Variants in PCDHA11 observed in about 807,000 individuals in gnomAD.
The protein encoded by PCDHA11 is protocadherin alpha-11.
Under a neutral mutation model 70.3 loss-of-function variants are expected in PCDHA11, and 61 were observed. That is an observed-to-expected ratio of 0.87 (90% CI 0.71 to 1.07). PCDHA11 has a LOEUF of 1.07. PCDHA11 is among the 50% of genes least tolerant of loss of function. The pLI is 0.00. For synonymous variants in PCDHA11, 633 were observed against 555.1 expected (o/e 1.14, Z -1.97); for missense variants, 1,324 against 1,237.5 (o/e 1.07, Z -1.05).
In PCDHA11 at chr5:141,010,151, C is replaced by T. The variant is rs1554262715; in HGVS notation, c.*214C>T. 1 of 1,578,076 alleles carries T rather than the reference C, an allele frequency of 6.3e-7. No homozygotes were observed. Among genetic ancestry groups the T allele is most frequent in the South Asian group, 1.1e-5 (1 of 87,432 alleles). On this transcript the variant is annotated 3_prime_UTR_variant, in exon 4 of 4. Transcript: ENST00000398640. The stretch of plus-strand genomic sequence containing the variant: ...CTGGTGTTAACTCTTTCTCTCCACT[C>T]TGGCTTGTTTTCAGAACCTAAAAAG...
chr5:140,948,528 T>C (rs1234543318), intron 1 of PCDHA11, among the ~76,000 whole-genome samples: 1 of 151,686 alleles, frequency 6.6e-6, no homozygotes, highest in Non-Finnish European at 1.5e-5. Context: ...ACTATTTATA[T>C]TTTATTTCAT....
At chr5:140,886,330 T>C (rs1403720039) in intron 1 of PCDHA11, among the ~76,000 whole-genome samples, 1 of 152,192 alleles carries the variant, frequency 6.6e-6, no homozygotes, top group Admixed American at 6.5e-5. Context: ...CTGGGATACA[T>C]GTGCAGAACG....
Position 140,870,656 on chromosome 5 carries a change from C to T in PCDHA11, c.1553C>T (p.Ala518Val), listed in dbSNP as rs782506518. 1.4e-5 allele frequency: 22 copies of T among 1,612,360 alleles called. No homozygotes were observed. The highest frequency in any genetic ancestry group is 1.7e-6 in the Non-Finnish European group (2 of 1,179,764). The change falls in exon 1 of 4, where the codon GCG becomes GTG. Residue 518 changes from alanine to valine, a missense_variant. Ala to Val is a moderately conservative substitution (Grantham distance 64). Transcript: ENST00000398640. Reference protein sequence around the residue: ...SVHAESGKVYALQPLDHEELE... With the variant: ...SVHAESGKVYVLQPLDHEELE... ...CACGCGGAGAGCGGCAAGGTGTACG[C>T]GCTGCAGCCGTTGGACCACGAGGAG...
chr5:140,986,345 C>T (rs1442253492), intron 3 of PCDHA11, among the ~76,000 whole-genome samples: 2 of 152,172 alleles, frequency 1.3e-5, no homozygotes, highest in African/African-American at 4.8e-5. Flanking sequence ...GTTGCAGCCT[C>T]TTCTTCAGAT....
chr5:141,009,514 A>T (rs2098410382), intron 3 of PCDHA11, 113 bp from the exon 4 acceptor site: 5 of 1,501,204 alleles, frequency 3.3e-6, no homozygotes, highest in African/African-American at 1.4e-5. Context: ...ACAACTCGTG[A>T]TTTTTCTGGG....
intron 1 of PCDHA11, chr5:140,928,827 A>G (rs1554206364): frequency 6.2e-7 from 1 of 1,614,130 alleles, no homozygotes. Flanking sequence ...GAGACCCACC[A>G]CTTTCCTCCT....
At chr5:140,880,688 A>T (rs1033069078) in intron 1 of PCDHA11, among the ~76,000 whole-genome samples, 2 of 152,224 alleles carry the variant, frequency 1.3e-5, no homozygotes, top group East Asian at 3.8e-4. Flanking sequence ...GAGAATAGTC[A>T]TGGTTAAGTG....
At position 140,909,620 on chromosome 5, in the gene PCDHA11, A is replaced by G. The variant is rs576090849; in HGVS notation, c.2391+38126A>G. On this transcript the variant is annotated intron_variant, in intron 1 of 3. Transcript: ENST00000398640. Reference sequence around the variant, plus strand: ...ATTTTTCTAGGTAGAGGCAGCTCTAATTGGTCTTCCTATTTTGTCTTTTCC... The same window carrying G: ...ATTTTTCTAGGTAGAGGCAGCTCTAGTTGGTCTTCCTATTTTGTCTTTTCC... Among the ~76,000 whole-genome samples the G allele has an allele frequency of 3.8e-4, 58 of 152,240 alleles. 2 individuals carry two copies. The Middle Eastern group carries it at 0.01, about 27-fold the overall frequency.
At chr5:140,928,914 A>C in intron 1 of PCDHA11, 2 of 1,614,136 alleles carry the variant, frequency 1.2e-6, no homozygotes, top group Non-Finnish European at 1.7e-6. Flanking sequence ...GGGAACCAGG[A>C]GGGCAGCTTT....
chr5:140,882,666 T>G, intron 1 of PCDHA11: 1 of 1,614,160 alleles, frequency 6.2e-7, no homozygotes, highest in Non-Finnish European at 8.5e-7. Flanking sequence ...CCGCCCATAT[T>G]CCCTGAAAGC....
At chr5:140,907,927 T>C (rs970960629) in intron 1 of PCDHA11, among the ~76,000 whole-genome samples, 14 of 152,220 alleles carry the variant, frequency 9.2e-5, no homozygotes, top group Admixed American at 9.2e-4. Flanking sequence ...GAGAGGTCCA[T>C]TCACATACCT....
At chr5:140,967,718 C>G (rs959323631) in intron 1 of PCDHA11, 1 of 1,613,988 alleles carries the variant, frequency 6.2e-7, no homozygotes, top group Non-Finnish European at 8.5e-7. Flanking sequence ...CGGGGAAGTG[C>G]GAGTAATTGG....
At position 140,912,253 on chromosome 5, in the gene PCDHA11, G is replaced by A. The variant is rs531201374; in HGVS notation, c.2391+40759G>A. Among the ~76,000 whole-genome samples the A allele has an allele frequency of 4.8e-4, 73 of 152,064 alleles. 1 individual carries two copies. The highest frequency in any genetic ancestry group is 1.5e-3 in the South Asian group (7 of 4,810). ...ACTGACTCAAATGTTAATCTCCTTTGATGACACCCTCACAGATATACCCAG... is the reference window on the plus strand; with the variant it reads ...ACTGACTCAAATGTTAATCTCCTTTAATGACACCCTCACAGATATACCCAG... On this transcript the variant is annotated intron_variant, in intron 1 of 3. Coordinates refer to ENST00000398640, the MANE Select transcript of PCDHA11 (RefSeq NM_018902.5).
chr5:140,967,969 C>T (rs997628696), intron 1 of PCDHA11: 3 of 1,614,064 alleles, frequency 1.9e-6, no homozygotes, highest in African/African-American at 1.3e-5. Flanking sequence ...GGAAAGTGAG[C>T]CTGGGTCTGG....
intron 2 of PCDHA11, among the ~76,000 whole-genome samples, chr5:140,982,129 A>G (rs2153827592): frequency 6.6e-6 from 1 of 152,376 alleles, no homozygotes; most frequent in East Asian, 1.9e-4. Context: ...TTTGAGAACA[A>G]GCCCTCCTCA....
intron 1 of PCDHA11, chr5:140,883,009 T>C (rs782092684): frequency 1.2e-6 from 2 of 1,614,126 alleles, no homozygotes; most frequent in South Asian, 2.2e-5. Flanking sequence ...AATCCGTTTA[T>C]AAAGTGACGG....
chr5:140,963,907 A>C (rs1303006789), intron 1 of PCDHA11, among the ~76,000 whole-genome samples: 1 of 152,240 alleles, frequency 6.6e-6, no homozygotes, highest in Non-Finnish European at 1.5e-5. Flanking sequence ...AGTAAAGTGA[A>C]GCTTAGGCTA....
chr5:140,894,678 G>A (rs2064610623), intron 1 of PCDHA11, among the ~76,000 whole-genome samples: 2 of 151,110 alleles, frequency 1.3e-5, no homozygotes, highest in African/African-American at 4.9e-5. Flanking sequence ...TTCTTGCATA[G>A]CTTTTCATTA....
intron 1 of PCDHA11, among the ~76,000 whole-genome samples, chr5:140,944,398 G>C (rs1326523434): frequency 4.6e-5 from 7 of 152,104 alleles, no homozygotes; most frequent in African/African-American, 2.4e-5. Flanking sequence ...TGTTATCCAG[G>C]CTGGTCTCGA....
Sources: allele counts gnomAD v4.1 joint callset (sites outside exome capture counted in the v4.1 genomes callset), GRCh38; gene constraint gnomAD v4.1.1; transcripts MANE v1.5; gene names NCBI Gene and HGNC (gene_info 2026-07-23, HGNC 2026-07-21).